The following CERT1 variants were observed in gnomAD, a reference collection of about 807,000 sequenced individuals.
CERT1 encodes the protein ceramide transporter 1.
A neutral mutation model predicts 87.9 loss-of-function variants in CERT1; 31 were observed. The observed-to-expected ratio is 0.35, with a 90% confidence interval of 0.27 to 0.48. CERT1 has a LOEUF of 0.48. Among genes scored for constraint, CERT1 ranks in the 20% least tolerant of loss-of-function variants. The probability of loss-of-function intolerance (pLI) is 0.99; values close to 1 mark genes in which losing one functional copy is unlikely to be tolerated. For synonymous variants in CERT1, 289 were observed against 250.9 expected (o/e 1.15, Z -1.44); for missense variants, 487 against 758.0 (o/e 0.64, Z 4.20).
chr5:75,443,957 A>T (rs773019742), intron 3 of CERT1, among the ~76,000 whole-genome samples: 6 of 152,182 alleles, frequency 3.9e-5, no homozygotes, highest in Non-Finnish European at 8.8e-5. Context: ...ACTATAGCTA[A>T]CCCTGCTCTC....
chr5:75,448,453 T>G (rs1764643799), intron 3 of CERT1, among the ~76,000 whole-genome samples: 1 of 152,212 alleles, frequency 6.6e-6, no homozygotes, highest in African/African-American at 2.4e-5. Context: ...TGTTTTTCAT[T>G]CTCAGTATCA....
intron 6 of CERT1, 48 bp downstream of exon 6, chr5:75,419,293 T>C (rs1217085902): frequency 8.0e-7 from 1 of 1,245,822 alleles, no homozygotes; most frequent in South Asian, 1.3e-5. Flanking sequence ...GTTACATAAC[T>C]TCTGAAAGTA....
intron 3 of CERT1, among the ~76,000 whole-genome samples, chr5:75,446,844 C>T (rs1219340703): frequency 6.6e-6 from 1 of 152,144 alleles, no homozygotes; most frequent in Non-Finnish European, 1.5e-5. Context: ...TAATGTCTCG[C>T]TCCCAAAAGG....
intron 5 of CERT1, among the ~76,000 whole-genome samples, chr5:75,424,465 G>T (rs1426518545): frequency 1.3e-5 from 2 of 151,968 alleles, no homozygotes. Flanking sequence ...CCAGCTACTT[G>T]GGAGGCTGAG....
intron 2 of CERT1, among the ~76,000 whole-genome samples, chr5:75,467,650 G>GAA (rs58587061): frequency 0.13 from 17,859 of 132,802 alleles, 1,327 homozygotes; most frequent in East Asian, 0.2. Context: ...CCAAAAAAAA[G>GAA]AAAAAAAAAA....
At chr5:75,457,616 A>G (rs1052893651) in intron 3 of CERT1, among the ~76,000 whole-genome samples, 1 of 152,122 alleles carries the variant, frequency 6.6e-6, no homozygotes, top group African/African-American at 2.4e-5. Context: ...AAACAAAGAA[A>G]AAAAAGAAAG....
At chr5:75,376,044 T>C (rs1325571045), downstream of CERT1, 2 of 152,102 alleles carry the variant, frequency 1.3e-5, no homozygotes, top group Admixed American at 6.6e-5. Flanking sequence ...TCCCCAGAGA[T>C]GAATTTTTTC....
chr5:75,508,104 C>G (rs556102512), intron 1 of CERT1, among the ~76,000 whole-genome samples: 1 of 152,216 alleles, frequency 6.6e-6, no homozygotes, highest in Admixed American at 6.5e-5. Context: ...CCAAAACTTA[C>G]ATGGACAACT....
intron 9 of CERT1, chr5:75,401,331 G>A (rs1580719396): frequency 6.6e-6 from 1 of 152,178 alleles, no homozygotes; most frequent in Admixed American, 6.5e-5. Flanking sequence ...CTGATATTCA[G>A]TAGAGTAGCA....
At chr5:75,475,469 G>A (rs534129028) in intron 2 of CERT1, among the ~76,000 whole-genome samples, 3 of 152,150 alleles carry the variant, frequency 2.0e-5, no homozygotes, top group South Asian at 4.1e-4. Context: ...TTTTTAAAAT[G>A]TATGGGAATG....
intron 2 of CERT1, among the ~76,000 whole-genome samples, chr5:75,483,296 A>G (rs1766341233): frequency 6.6e-6 from 1 of 152,226 alleles, no homozygotes; most frequent in Admixed American, 6.5e-5. Flanking sequence ...AGAAGATACA[A>G]TGAGTGAGCT....
chr5:75,385,091 A>G (rs2112010120), intron 13 of CERT1, among the ~76,000 whole-genome samples: 1 of 152,332 alleles, frequency 6.6e-6, no homozygotes, highest in Non-Finnish European at 1.5e-5. Flanking sequence ...TGTGAAAAAG[A>G]GATGTCAAAC....
intron 2 of CERT1, among the ~76,000 whole-genome samples, chr5:75,500,431 T>C (rs1310583943): frequency 1.3e-5 from 2 of 152,318 alleles, no homozygotes; most frequent in Non-Finnish European, 2.9e-5. Flanking sequence ...CCAAGGCCTC[T>C]TACCAAATAT....
At chr5:75,458,665 C>A (rs1206280099) in intron 3 of CERT1, among the ~76,000 whole-genome samples, 2 of 152,010 alleles carry the variant, frequency 1.3e-5, no homozygotes, top group Non-Finnish European at 2.9e-5. Context: ...GGTTCTACTG[C>A]CTCAGCCTCC....
At chr5:75,426,650 T>C (rs1426715864) in intron 3 of CERT1, among the ~76,000 whole-genome samples, 172 bp from the exon 4 acceptor site, 1 of 152,218 alleles carries the variant, frequency 6.6e-6, no homozygotes, top group Non-Finnish European at 1.5e-5. Context: ...TAAATGCCAT[T>C]TAATTTAGAA....
chr5:75,371,821 A>G (rs1424578832), intron 17 of CERT1: 1 of 152,208 alleles, frequency 6.6e-6, no homozygotes. Context: ...AGATGAGAAA[A>G]CATGAATATT....
At chr5:75,469,257 T>C (rs1272996468) in intron 2 of CERT1, among the ~76,000 whole-genome samples, 3 of 151,814 alleles carry the variant, frequency 2.0e-5, no homozygotes, top group Admixed American at 1.3e-4. Context: ...TGAAAATATA[T>C]GGTCAGGAAA....
intron 2 of CERT1, 112 bp from the exon 3 acceptor site, chr5:75,459,293 AC>A (rs1321831918): frequency 1.6e-6 from 1 of 626,910 alleles, no homozygotes; most frequent in African/African-American, 1.8e-5. Flanking sequence ...GAGACTTGTT[AC>A]TTTTTATTTT....
chr5:75,374,795 C>G, downstream of CERT1: 2 of 543,142 alleles, frequency 3.7e-6, no homozygotes, highest in Non-Finnish European at 7.2e-6. Flanking sequence ...ATGACCCCCA[C>G]CAAAGCCCAT....
Sources: gnomAD v4.1 joint callset for allele counts (sites outside exome capture counted in the v4.1 genomes callset) on GRCh38, gnomAD v4.1.1 for gene constraint, MANE v1.5 for transcripts, NCBI Gene and HGNC (gene_info 2026-07-23, HGNC 2026-07-21) for gene names.